The following ADGRG2 variants were observed in gnomAD, a reference collection of about 807,000 sequenced individuals.
The protein encoded by ADGRG2 is adhesion G protein-coupled receptor G2.
ADGRG2 carries 26 observed loss-of-function variants against 74.1 expected under a neutral mutation model. The ratio of observed to expected loss-of-function variants is 0.35; its 90% CI spans 0.26 to 0.49. ADGRG2 has a LOEUF of 0.49. Among genes scored for constraint, ADGRG2 ranks in the 20% least tolerant of loss-of-function variants. ADGRG2 has a pLI of 0.99. For synonymous variants in ADGRG2, 296 were observed against 295.2 expected, an observed-to-expected ratio of 1.00 and a Z score of -0.03; for missense variants, 619 against 763.1, an observed-to-expected ratio of 0.81 and a Z score of 2.22.
chrX:18,999,351 A>G, intron 25 of ADGRG2, 72 bp from the exon 26 acceptor site: 1 of 881,175 alleles, frequency 1.1e-6, no homozygotes, highest in Non-Finnish European at 1.6e-6. Flanking sequence ...AAATGATACA[A>G]TGAATCTCTA....
Position 19,014,041 on chromosome X carries a change from G to A in ADGRG2, c.744C>T (p.Asp248=). 1 of 1,206,782 alleles carries A rather than the reference G, an allele frequency of 8.3e-7. No homozygotes were observed. Among genetic ancestry groups the A allele is most frequent in the Non-Finnish European group, 1.1e-6 (1 of 892,230 alleles). ...DLQDPIVCLA[D]HPRGPPFSSS... ...AAGAAAATGGTGGGCCACGTGGATG[G>A]TCAGCAAGACAGACAATGGGATCCT... Residue 248 remains aspartate (D), a synonymous_variant, in exon 16 of 29, where the codon GAC becomes GAT. Coordinates refer to ENST00000379869, the MANE Select transcript of ADGRG2 (RefSeq NM_001079858.3).
chrX:19,122,657 G>A (rs1376482834), upstream of ADGRG2: 3 of 109,978 alleles, frequency 2.7e-5, no homozygotes, highest in East Asian at 8.6e-4. Context: ...GAGCGGGCGG[G>A]GCGCGGAGGG....
chrX:19,027,435 T>C (rs1245116216), intron 10 of ADGRG2, among the ~76,000 whole-genome samples, 161 bp from the exon 11 acceptor site: 1 of 112,474 alleles, frequency 8.9e-6, no homozygotes, highest in Non-Finnish European at 1.9e-5. Flanking sequence ...ATGATCAAGC[T>C]GCAGTTTTAT....
rs2061649719 is a variant in ADGRG2, at chrX:19,071,282, A to G, written c.-1-2447T>C. 1.8e-5 allele frequency among the ~76,000 whole-genome samples: 2 copies of G among 112,023 alleles called. 1 individual carries two copies. Among genetic ancestry groups the G allele is most frequent in the Admixed American group, 1.9e-4 (2 of 10,535 alleles). On this transcript the variant is annotated intron_variant, in intron 2 of 28. Transcript: ENST00000379869. ...ATAAATTGTATTATGTATTAATGCT[A>G]GAATATGTTAATCAATTATAAAAAG...
intron 1 of ADGRG2, among the ~76,000 whole-genome samples, chrX:19,105,240 T>C (rs1278243222): frequency 8.9e-6 from 1 of 111,972 alleles, no homozygotes; most frequent in Non-Finnish European, 1.9e-5. Flanking sequence ...GACTCATCCA[T>C]GAAAGTGGAT....
chrX:19,021,691 G>A (rs1051126983), intron 13 of ADGRG2, among the ~76,000 whole-genome samples: 2 of 110,422 alleles, frequency 1.8e-5, no homozygotes, highest in African/African-American at 3.3e-5. Flanking sequence ...TCTTGCCCAG[G>A]TTGGAGTGCA....
intron 3 of ADGRG2, among the ~76,000 whole-genome samples, chrX:19,046,928 A>G (rs1263549686): frequency 8.9e-6 from 1 of 112,012 alleles, no homozygotes; most frequent in Non-Finnish European, 1.9e-5. Flanking sequence ...CCTAGCTGGA[A>G]GCCAGTTGGC....
chrX:19,049,852 T>C (rs983300782), intron 3 of ADGRG2, among the ~76,000 whole-genome samples: 4 of 111,698 alleles, frequency 3.6e-5, no homozygotes, highest in Non-Finnish European at 5.6e-5. Context: ...AGCTGACACT[T>C]TCCTTCTCAT....
chrX:19,120,298 A>G, intron 1 of ADGRG2, among the ~76,000 whole-genome samples: 1 of 112,066 alleles, frequency 8.9e-6, no homozygotes, highest in Non-Finnish European at 1.9e-5. Context: ...ACTAAGCAAA[A>G]TTTTATGAGA....
chrX:19,018,034 C>T (rs1021276182), intron 15 of ADGRG2, among the ~76,000 whole-genome samples: 8 of 112,034 alleles, frequency 7.1e-5, no homozygotes, highest in Admixed American at 5.7e-4. Context: ...ACCCATCTCC[C>T]AGTTTCCCTC....
intron 1 of ADGRG2, among the ~76,000 whole-genome samples, chrX:19,119,790 A>C (rs2062582176): frequency 9.0e-6 from 1 of 111,166 alleles, no homozygotes; most frequent in African/African-American, 3.3e-5. Flanking sequence ...GAGCAAACTC[A>C]CTTTGCCATT....
intron 1 of ADGRG2, among the ~76,000 whole-genome samples, chrX:19,112,111 A>G (rs1224847733): frequency 2.7e-5 from 3 of 110,283 alleles, no homozygotes; most frequent in South Asian, 7.8e-4. Context: ...TTGCTCTGTC[A>G]CCCAGGCTGG....
chrX:19,029,411 A>G (rs1268860248), intron 9 of ADGRG2, among the ~76,000 whole-genome samples: 4 of 111,790 alleles, frequency 3.6e-5, no homozygotes, highest in Non-Finnish European at 7.5e-5. Context: ...GCACAGTGGT[A>G]GCAGAGCAAC....
intron 4 of ADGRG2, among the ~76,000 whole-genome samples, chrX:19,038,961 A>C (rs1448715710): frequency 1.8e-5 from 2 of 112,179 alleles, no homozygotes; most frequent in East Asian, 5.6e-4. Context: ...GGAGGCCTGC[A>C]GTCCTGGGTT....
chrX:19,112,438 C>T (rs1412624541), intron 1 of ADGRG2, among the ~76,000 whole-genome samples: 1 of 110,196 alleles, frequency 9.1e-6, no homozygotes, highest in Non-Finnish European at 1.9e-5. Flanking sequence ...AAAGAAAAAC[C>T]AATAACTACA....
intron 8 of ADGRG2, chrX:19,032,791 T>G (rs2060853643): frequency 8.9e-6 from 1 of 112,294 alleles, no homozygotes; most frequent in African/African-American, 3.2e-5. Flanking sequence ...TAAAACTTTA[T>G]TCACAAAAAC....
intron 3 of ADGRG2, among the ~76,000 whole-genome samples, chrX:19,052,990 C>T (rs983913490): frequency 2.7e-5 from 3 of 111,776 alleles, no homozygotes; most frequent in African/African-American, 6.5e-5. Context: ...CCACTGCACC[C>T]GGCCTCATCT....
intron 26 of ADGRG2, among the ~76,000 whole-genome samples, chrX:18,997,334 C>A (rs763883548): frequency 8.9e-6 from 1 of 112,005 alleles, no homozygotes; most frequent in Non-Finnish European, 1.9e-5. Flanking sequence ...ACATTCATTC[C>A]TTTTATCCAT....
intron 1 of ADGRG2, among the ~76,000 whole-genome samples, chrX:19,121,462 G>A (rs1172205653): frequency 1.8e-5 from 2 of 111,156 alleles, no homozygotes; most frequent in African/African-American, 6.6e-5. Context: ...TGCGTTTGGG[G>A]GTAGAGGTGG....
Sources: gnomAD v4.1 joint callset for allele counts (sites outside exome capture counted in the v4.1 genomes callset) on GRCh38, gnomAD v4.1.1 for gene constraint, MANE v1.5 for transcripts, NCBI Gene and HGNC (gene_info 2026-07-23, HGNC 2026-07-21) for gene names.